The following RMDN2 variants were observed in gnomAD, a reference collection of about 807,000 sequenced individuals.
RMDN2 encodes regulator of microtubule dynamics protein 2.
RMDN2 carries 61 observed loss-of-function variants against 52.8 expected under a neutral mutation model. That is an observed-to-expected ratio of 1.16 (90% CI 0.94 to 1.43). RMDN2 has a LOEUF of 1.43. Among genes scored for constraint, RMDN2 ranks in the 40% most tolerant of loss-of-function variants. RMDN2 has a pLI of 0.00. For synonymous variants in RMDN2, 180 were observed against 153.1 expected (o/e 1.18, Z -1.30); for missense variants, 592 against 475.3 (o/e 1.25, Z -2.28).
intron 10 of RMDN2, among the ~76,000 whole-genome samples, chr2:38,063,009 G>C (rs546345777): frequency 8.0e-4 from 121 of 152,142 alleles, no homozygotes; most frequent in African/African-American, 2.8e-3. Context: ...TCTTAATCCA[G>C]TCTATCGTTG....
intron 2 of RMDN2, among the ~76,000 whole-genome samples, chr2:37,967,763 A>G (rs1211292936): frequency 6.6e-6 from 1 of 152,182 alleles, no homozygotes; most frequent in Non-Finnish European, 1.5e-5. Context: ...TCCACCTTAG[A>G]GTCCTCATTT....
chr2:37,997,110 C>T (rs921295958), intron 7 of RMDN2, among the ~76,000 whole-genome samples: 3 of 152,134 alleles, frequency 2.0e-5, no homozygotes, highest in Non-Finnish European at 2.9e-5. Context: ...CCACCCCACC[C>T]CTTTTTCCTC....
chr2:38,055,907 G>T (rs1681840521), intron 10 of RMDN2, among the ~76,000 whole-genome samples: 1 of 152,070 alleles, frequency 6.6e-6, no homozygotes, highest in Non-Finnish European at 1.5e-5. Context: ...CTGAAGACTG[G>T]ATAACTGGAA....
chr2:37,951,411 T>C, intron 2 of RMDN2: 1 of 1,613,090 alleles, frequency 6.2e-7, no homozygotes, highest in African/African-American at 1.3e-5. Context: ...AAGGTTATTA[T>C]CTGTATCAAG....
intron 2 of RMDN2, among the ~76,000 whole-genome samples, chr2:37,934,636 G>A (rs1368696026): frequency 6.6e-6 from 1 of 151,770 alleles, no homozygotes; most frequent in Non-Finnish European, 1.5e-5. Context: ...AATAGTATTC[G>A]ACCCCAAAAG....
chr2:37,990,588 A>T (rs1379688493), intron 6 of RMDN2, among the ~76,000 whole-genome samples: 7 of 146,704 alleles, frequency 4.8e-5, no homozygotes, highest in African/African-American at 1.1e-4. Context: ...TGTGACCAGC[A>T]CTAAGTAGTT....
intron 2 of RMDN2, among the ~76,000 whole-genome samples, chr2:37,965,209 T>G (rs1228861852): frequency 1.3e-5 from 2 of 152,180 alleles, no homozygotes; most frequent in Non-Finnish European, 2.9e-5. Context: ...TTGAGGAATT[T>G]AATCCCATTT....
intron 10 of RMDN2, among the ~76,000 whole-genome samples, chr2:38,065,383 AAAAAG>A (rs1682230129): frequency 6.6e-6 from 1 of 152,182 alleles, no homozygotes; most frequent in Non-Finnish European, 1.5e-5. Flanking sequence ...TTTTAAAAAA[AAAAAG>A]AAAAAGAAAG....
At chr2:37,988,462 C>G (rs952211058) in intron 5 of RMDN2, among the ~76,000 whole-genome samples, 3 of 152,078 alleles carry the variant, frequency 2.0e-5, no homozygotes, top group Admixed American at 2.0e-4. Flanking sequence ...AAACTGAAAA[C>G]AGAGATCAAA....
intron 2 of RMDN2, among the ~76,000 whole-genome samples, chr2:37,931,221 T>A (rs971977077): frequency 9.9e-5 from 15 of 152,214 alleles, no homozygotes; most frequent in African/African-American, 3.6e-4. Flanking sequence ...TCTAGTTCAT[T>A]TACAAATGTA....
chr2:37,930,604 G>A (rs1666652231), intron 2 of RMDN2, among the ~76,000 whole-genome samples: 1 of 152,208 alleles, frequency 6.6e-6, no homozygotes, highest in Non-Finnish European at 1.5e-5. Flanking sequence ...TTCTCAGGGA[G>A]ACCAAAGACT....
chr2:37,929,616 G>C lies in RMDN2; in HGVS notation c.339G>C (p.Gly113=), dbSNP rs760122028. ...LEEYIQDELG[G]KITVHKISPQ... Reference sequence around the variant, plus strand: ...AATATATACAAGATGAACTTGGAGGGAAAATAACTGTTCATAAGATAAGCC... The same window carrying C: ...AATATATACAAGATGAACTTGGAGGCAAAATAACTGTTCATAAGATAAGCC... Residue 113 remains glycine, a synonymous_variant, in exon 2 of 11, where the codon GGG becomes GGC. Coordinates refer to ENST00000354545, the MANE Select transcript of RMDN2 (RefSeq NM_001170791.3). The C allele has an allele frequency of 6.4e-5, 99 of 1,551,374 alleles. No homozygotes were observed. Among genetic ancestry groups the C allele is most frequent in the South Asian group, 2.0e-4 (17 of 84,048 alleles).
chr2:38,060,118 AT>A (rs141442812), intron 10 of RMDN2, among the ~76,000 whole-genome samples: 1,587 of 92,458 alleles, frequency 0.017, 61 homozygotes, highest in African/African-American at 0.075. Context: ...ATTTTATTTT[AT>A]TTTTTTTAGT....
Position 37,997,728 on chromosome 2 carries a change from A to C in RMDN2, c.1044+214A>C. 4 of 486,590 alleles carry C rather than the reference A, an allele frequency of 8.2e-6. No individual in the cohort carries two copies. In the Admixed American group the frequency reaches 1.5e-4, roughly 18 times the overall value. The allele number at this position is 486,590 out of a possible 1,614,324, so 30.1% of individuals were successfully genotyped here. On this transcript the variant is annotated intron_variant, in intron 8 of 10. Transcript: ENST00000354545. ...ACTAGTTATGCCCTAGGTTCTAGGAATTACAAACTACTTTTTAAAAATAAC... is the reference window on the plus strand; with the variant it reads ...ACTAGTTATGCCCTAGGTTCTAGGACTTACAAACTACTTTTTAAAAATAAC...
intron 4 of RMDN2, among the ~76,000 whole-genome samples, chr2:37,977,739 G>A (rs1012411368): frequency 1.3e-5 from 2 of 151,324 alleles, no homozygotes; most frequent in Non-Finnish European, 2.9e-5. Context: ...CGGGGCAGAG[G>A]CGCTCCCCAC....
chr2:37,989,885 T>G (rs539820949), intron 6 of RMDN2, among the ~76,000 whole-genome samples: 1 of 152,218 alleles, frequency 6.6e-6, no homozygotes, highest in East Asian at 1.9e-4. Context: ...GGCTCACGCC[T>G]GTAATCCCAG....
chr2:37,991,614 C>T (rs1259678477), intron 7 of RMDN2, among the ~76,000 whole-genome samples: 1 of 151,748 alleles, frequency 6.6e-6, no homozygotes, highest in Non-Finnish European at 1.5e-5. Context: ...TTTCTTTTTG[C>T]AGTAGTCACG....
intron 2 of RMDN2, among the ~76,000 whole-genome samples, chr2:37,947,624 G>C (rs1668327541): frequency 6.6e-6 from 1 of 152,022 alleles, no homozygotes; most frequent in Non-Finnish European, 1.5e-5. Flanking sequence ...TCCACAATCA[G>C]GCACATTTGA....
At chr2:37,956,592 G>A (rs898547778) in intron 2 of RMDN2, among the ~76,000 whole-genome samples, 1 of 151,454 alleles carries the variant, frequency 6.6e-6, no homozygotes, top group Non-Finnish European at 1.5e-5. Flanking sequence ...TTAGTTCTTT[G>A]TCTAGTTTCT....
Sources: allele counts gnomAD v4.1 joint callset (sites outside exome capture counted in the v4.1 genomes callset), GRCh38; gene constraint gnomAD v4.1.1; transcripts MANE v1.5; gene names NCBI Gene and HGNC (gene_info 2026-07-23, HGNC 2026-07-21).